Variants in RUVBL1 observed in about 807,000 individuals in gnomAD.
The protein encoded by RUVBL1 is ruvB-like 1.
RUVBL1 carries 4 observed loss-of-function variants against 52.4 expected under a neutral mutation model. The observed-to-expected ratio is 0.08, with a 90% CI of 0.04 to 0.17. The LOEUF (loss-of-function observed/expected upper bound fraction) is 0.17, where lower values mean the gene tolerates loss of function less well. Ranked by LOEUF, RUVBL1 falls within the 10% of genes least tolerant of loss-of-function variation. The pLI is 1.00. For synonymous variants in RUVBL1, 217 were observed against 214.4 expected (o/e 1.01, Z -0.10); for missense variants, 298 against 572.8 (o/e 0.52, Z 4.90).
At chr3:128,087,902 T>A in intron 8 of RUVBL1, 94 bp from the exon 9 acceptor site, 1 of 879,992 alleles carries the variant, frequency 1.1e-6, no homozygotes, top group Non-Finnish European at 1.9e-6. Flanking sequence ...CACAAGCAGC[T>A]GGCTAGGCAG....
chr3:128,087,385 T>C (rs1045523867), intron 9 of RUVBL1, among the ~76,000 whole-genome samples: 2 of 152,222 alleles, frequency 1.3e-5, no homozygotes, highest in Non-Finnish European at 2.9e-5. Flanking sequence ...GCTGGTAGCC[T>C]CCCTAATGGC....
intron 1 of RUVBL1, among the ~76,000 whole-genome samples, chr3:128,152,522 T>C (rs1191987859): frequency 6.6e-6 from 1 of 152,164 alleles, no homozygotes; most frequent in Non-Finnish European, 1.5e-5. Flanking sequence ...TCTCGCTCTC[T>C]GAAATGGTCT....
exon 10 of RUVBL1, chr3:128,064,971 G>C: frequency 6.2e-7 from 1 of 1,614,250 alleles, no homozygotes; most frequent in Non-Finnish European, 8.5e-7. Context: ...TCTACCGCCA[G>C]AATCTTCCCA....
Position 128,069,472 on chromosome 3 carries a change from C to G in RUVBL1, c.940-4252G>C, listed in dbSNP as rs746895826. On this transcript the variant is annotated intron_variant, in intron 9 of 9. Coordinates refer to the RUVBL1 transcript ENST00000464873. Reference sequence around the variant, plus strand: ...CCAGGAGCTGACTGTGTCCCCTCCCCCAGGTACATCCCCACAGCCGCGGCC... The same window carrying G: ...CCAGGAGCTGACTGTGTCCCCTCCCGCAGGTACATCCCCACAGCCGCGGCC... 2.5e-6 allele frequency: 4 copies of G among 1,609,480 alleles called. No individual in the cohort carries two copies. In the South Asian group the frequency reaches 4.4e-5, roughly 18 times the overall value.
At chr3:128,121,846 T>C (rs1184796396) in intron 1 of RUVBL1, among the ~76,000 whole-genome samples, 2 of 152,206 alleles carry the variant, frequency 1.3e-5, no homozygotes, top group Non-Finnish European at 2.9e-5. Flanking sequence ...TGCGTTTATT[T>C]ACAGACCAGG....
At chr3:128,107,757 C>A (rs1943279837) in intron 3 of RUVBL1, among the ~76,000 whole-genome samples, 1 of 152,240 alleles carries the variant, frequency 6.6e-6, no homozygotes, top group Non-Finnish European at 1.5e-5. Flanking sequence ...CTCCAAACAA[C>A]ACGAATATAT....
At chr3:128,144,378 T>C (rs939531398) in intron 1 of RUVBL1, among the ~76,000 whole-genome samples, 7 of 152,180 alleles carry the variant, frequency 4.6e-5, no homozygotes, top group Non-Finnish European at 8.8e-5. Flanking sequence ...TTGAACTACC[T>C]TAGTACAAAA....
intron 8 of RUVBL1, among the ~76,000 whole-genome samples, chr3:128,093,040 G>GA (rs879934797): frequency 1.1e-4 from 16 of 150,036 alleles, no homozygotes; most frequent in Non-Finnish European, 2.1e-4. Flanking sequence ...AAGAAAGAAA[G>GA]AAAAAAAAAG....
In RUVBL1 at chr3:128,082,283, C is replaced by G. The variant is rs957871063; in HGVS notation, c.1211+200G>C. ...TGCTGCAGGACATGGGGACTTCACC[C>G]TTACTCTAGCTTGTTAAAAACCATC... On this transcript the variant is annotated intron_variant, in intron 10 of 10. Coordinates refer to ENST00000322623, the MANE Select transcript of RUVBL1 (RefSeq NM_003707.3). This position sits in a 1 kb window ranked among gnomAD's most constrained non-coding sequence, Gnocchi z 4.7. 7.3e-6 allele frequency: 4 copies of G among 548,948 alleles called. No homozygotes were observed. The African/African-American group carries it at 7.6e-5, about 10-fold the overall frequency. 34.0% of individuals were successfully genotyped at this position (548,948 alleles called of 1,614,324 possible). A position where few individuals can be genotyped will look rare whatever the true frequency, so the allele number is the denominator to read the frequency against.
intron 8 of RUVBL1, among the ~76,000 whole-genome samples, chr3:128,090,484 A>G (rs1942807775): frequency 6.6e-6 from 1 of 152,228 alleles, no homozygotes; most frequent in Non-Finnish European, 1.5e-5. Context: ...GTGTCACTGC[A>G]CTCCAGCCTG....
chr3:128,086,994 A>G (rs1479466778), intron 9 of RUVBL1, among the ~76,000 whole-genome samples: 2 of 152,264 alleles, frequency 1.3e-5, no homozygotes, highest in Admixed American at 6.5e-5. Context: ...GCCTCTTATT[A>G]TATGATCAGT....
At chr3:128,119,239 C>T (rs1180819970) in intron 2 of RUVBL1, 89 bp downstream of exon 2, 18 of 902,230 alleles carry the variant, frequency 2.0e-5, no homozygotes, top group Non-Finnish European at 2.8e-5. Context: ...TTTAGCTAAA[C>T]AAAGACTAGT....
chr3:128,108,154 T>C lies in RUVBL1; in HGVS notation c.362-3230A>G, dbSNP rs181020471. Among the ~76,000 whole-genome samples the C allele has an allele frequency of 3.0e-3, 452 of 152,312 alleles. 3 individuals are homozygous for C. Among genetic ancestry groups the C allele is most frequent in the Middle Eastern group, 0.02 (6 of 294 alleles). ...AGGGACCTTCATCACATCAAGGAAA[T>C]AGCACAGACTCCCTGCTTTTTATTT... On this transcript the variant is annotated intron_variant, in intron 3 of 10. Coordinates refer to ENST00000322623, the MANE Select transcript of RUVBL1 (RefSeq NM_003707.3).
chr3:128,146,543 T>G (rs1242870671), intron 1 of RUVBL1, among the ~76,000 whole-genome samples: 2 of 150,078 alleles, frequency 1.3e-5, no homozygotes, highest in East Asian at 3.9e-4. Context: ...TCTCTGTGCG[T>G]GTGCACGGGC....
chr3:128,091,947 CTG>C (rs1942851741), intron 8 of RUVBL1, among the ~76,000 whole-genome samples: 1 of 152,162 alleles, frequency 6.6e-6, no homozygotes, highest in Admixed American at 6.6e-5. Flanking sequence ...AGCTTTTCTG[CTG>C]ACAGAAAGCA....
intron 4 of RUVBL1, among the ~76,000 whole-genome samples, chr3:128,102,748 A>G: frequency 6.6e-6 from 1 of 152,250 alleles, no homozygotes; most frequent in Admixed American, 6.5e-5. Flanking sequence ...TCTGAAATTA[A>G]GATTGTGGTG....
At chr3:128,149,754 A>T (rs754749159) in intron 1 of RUVBL1, among the ~76,000 whole-genome samples, 8 of 152,164 alleles carry the variant, frequency 5.3e-5, no homozygotes, top group Non-Finnish European at 8.8e-5. Flanking sequence ...CAGCCACACA[A>T]CCAGAGCCCA....
At chr3:128,090,886 C>T (rs190451402) in intron 8 of RUVBL1, among the ~76,000 whole-genome samples, 27 of 152,278 alleles carry the variant, frequency 1.8e-4, no homozygotes, top group Admixed American at 1.5e-3. Flanking sequence ...CAAAATTCTA[C>T]ACCACCCATG....
chr3:128,146,561 T>C (rs1282023518), intron 1 of RUVBL1, among the ~76,000 whole-genome samples: 1 of 150,718 alleles, frequency 6.6e-6, no homozygotes. Flanking sequence ...GGCATGTGCA[T>C]GTGCGTCTGT....
Sources: gnomAD v4.1 joint callset for allele counts (sites outside exome capture counted in the v4.1 genomes callset) on GRCh38, gnomAD v4.1.1 for gene constraint, Gnocchi (gnomAD v3.1) non-coding constraint, MANE v1.5 for transcripts, NCBI Gene and HGNC (gene_info 2026-07-23, HGNC 2026-07-21) for gene names.